Variants in SLC4A4 observed in about 807,000 individuals in gnomAD.
SLC4A4 encodes solute carrier family 4 member 4.
Under a neutral mutation model 111.5 loss-of-function variants are expected in SLC4A4, and 27 were observed. That is an observed-to-expected ratio of 0.24 (90% CI 0.18 to 0.33). The LOEUF (loss-of-function observed/expected upper bound fraction) is 0.33, where lower values mean the gene tolerates loss of function less well. SLC4A4 is among the 10% of genes least tolerant of loss of function. SLC4A4 has a pLI of 1.00. For missense variants in SLC4A4, 909 were observed against 1,315.5 expected, an observed-to-expected ratio of 0.69 and a Z score of 4.78; for synonymous variants, 443 against 463.4, an observed-to-expected ratio of 0.96 and a Z score of 0.57.
intron 14 of SLC4A4, among the ~76,000 whole-genome samples, chr4:71,479,717 T>G (rs1728699218): frequency 6.6e-6 from 1 of 151,798 alleles, no homozygotes; most frequent in Non-Finnish European, 1.5e-5. Context: ...CTTGCATTTG[T>G]GAGACTCCTT....
intron 1 of SLC4A4, among the ~76,000 whole-genome samples, chr4:71,089,517 T>C (rs556329633): frequency 4.4e-4 from 67 of 152,156 alleles, no homozygotes; most frequent in African/African-American, 1.5e-3. Flanking sequence ...TTTTTCCCCA[T>C]CTTTGTGGTT....
At chr4:71,382,210 C>T (rs1015330053) in intron 6 of SLC4A4, among the ~76,000 whole-genome samples, 2 of 151,646 alleles carry the variant, frequency 1.3e-5, no homozygotes, top group African/African-American at 4.8e-5. Context: ...ATGATGTGAT[C>T]GAAGTTTTAG....
chr4:71,359,642 C>T (rs962307477), intron 6 of SLC4A4, among the ~76,000 whole-genome samples: 2 of 152,058 alleles, frequency 1.3e-5, no homozygotes, highest in Non-Finnish European at 2.9e-5. Context: ...TCTAAACAAA[C>T]GTTCTTAGAA....
intron 12 of SLC4A4, among the ~76,000 whole-genome samples, chr4:71,463,690 G>A (rs781524327): frequency 2.0e-5 from 3 of 152,108 alleles, no homozygotes; most frequent in Admixed American, 6.6e-5. Context: ...GAGCAACAAT[G>A]CCTGTTGACC....
chr4:71,189,805 G>T (rs138767954), intron 1 of SLC4A4, among the ~76,000 whole-genome samples: 1 of 152,190 alleles, frequency 6.6e-6, no homozygotes, highest in Admixed American at 6.5e-5. Flanking sequence ...GAGTTTCTTT[G>T]TGTTTATTTA....
At chr4:71,205,626 A>G (rs1332491729) in intron 1 of SLC4A4, among the ~76,000 whole-genome samples, 4 of 152,202 alleles carry the variant, frequency 2.6e-5, no homozygotes, top group Admixed American at 2.6e-4. Flanking sequence ...ACACACAAAT[A>G]TTTAATATTT....
chr4:71,328,222 A>C (rs1253213001), intron 3 of SLC4A4, among the ~76,000 whole-genome samples: 1 of 152,094 alleles, frequency 6.6e-6, no homozygotes, highest in East Asian at 1.9e-4. Context: ...AAATCCATTC[A>C]TCTGTTGATG....
chr4:71,571,753 T>A lies in SLC4A4; in HGVS notation c.*4002T>A, dbSNP rs1737945483. 1 of 152,276 alleles carries A rather than the reference T, an allele frequency of 6.6e-6. No individual in the cohort carries two copies. The highest frequency in any genetic ancestry group is 2.4e-5 in the African/African-American group (1 of 41,414). 9.4% of individuals were successfully genotyped at this position (152,276 alleles called of 1,614,324 possible). A position where few individuals can be genotyped will look rare whatever the true frequency, so the allele number is the denominator to read the frequency against. On this transcript the variant is annotated 3_prime_UTR_variant, in exon 26 of 26. Transcript: ENST00000264485. ...GCTGGTACATATTCGTACGCATTACTTTTCAGAATCAATACGCACTTTCAG... is the reference window on the plus strand; with the variant it reads ...GCTGGTACATATTCGTACGCATTACATTTCAGAATCAATACGCACTTTCAG...
At chr4:71,438,704 T>G (rs2149053806) in intron 7 of SLC4A4, among the ~76,000 whole-genome samples, 1 of 152,200 alleles carries the variant, frequency 6.6e-6, no homozygotes, top group East Asian at 1.9e-4. Flanking sequence ...ATAACATTTA[T>G]TCAAAATCAA....
intron 14 of SLC4A4, among the ~76,000 whole-genome samples, chr4:71,477,727 T>TA: frequency 6.6e-6 from 1 of 151,798 alleles, no homozygotes; most frequent in South Asian, 2.1e-4. Context: ...GAAAAGAACA[T>TA]GGGCATCCCC....
At chr4:71,367,472 A>T (rs1388005436) in intron 6 of SLC4A4, among the ~76,000 whole-genome samples, 1 of 152,174 alleles carries the variant, frequency 6.6e-6, no homozygotes, top group Non-Finnish European at 1.5e-5. Context: ...AGCCTAATTC[A>T]TTTAATTTAG....
At chr4:71,162,208 T>G (rs1159784267) in intron 2 of SLC4A4, among the ~76,000 whole-genome samples, 1 of 152,294 alleles carries the variant, frequency 6.6e-6, no homozygotes, top group East Asian at 1.9e-4. Context: ...GCATGGTCAC[T>G]GAACTACTAG....
intron 3 of SLC4A4, among the ~76,000 whole-genome samples, chr4:71,287,724 T>C (rs555856177): frequency 4.6e-5 from 7 of 152,344 alleles, no homozygotes; most frequent in African/African-American, 1.4e-4. Context: ...ATGAAAAATT[T>C]TGATTCTGGT....
At chr4:71,312,986 T>C (rs1726335668) in intron 3 of SLC4A4, among the ~76,000 whole-genome samples, 1 of 152,176 alleles carries the variant, frequency 6.6e-6, no homozygotes, top group Non-Finnish European at 1.5e-5. Context: ...GGAAGTCAAA[T>C]TGTCTCTGTT....
chr4:71,388,059 C>A (rs1283681506), intron 6 of SLC4A4, among the ~76,000 whole-genome samples: 1 of 152,132 alleles, frequency 6.6e-6, no homozygotes, highest in Non-Finnish European at 1.5e-5. Context: ...GCGAGATATT[C>A]ATTTACTTCT....
intron 2 of SLC4A4, among the ~76,000 whole-genome samples, chr4:71,160,920 G>A (rs1331354640): frequency 6.6e-6 from 1 of 152,134 alleles, no homozygotes; most frequent in African/African-American, 2.4e-5. Context: ...GAAGATCTAC[G>A]TGTTGGAGAA....
intron 7 of SLC4A4, among the ~76,000 whole-genome samples, chr4:71,406,322 C>CTT (rs11429746): frequency 1.4e-3 from 212 of 149,636 alleles, no homozygotes; most frequent in African/African-American, 3.5e-3. Context: ...TGAGCCAACA[C>CTT]TTTTTTTTTT....
chr4:71,315,597 A>G (rs1726617711), intron 3 of SLC4A4, among the ~76,000 whole-genome samples: 1 of 152,168 alleles, frequency 6.6e-6, no homozygotes, highest in African/African-American at 2.4e-5. Flanking sequence ...TACAGTATAA[A>G]TATATTTACC....
At chr4:71,334,985 C>T (rs1207139025) in intron 3 of SLC4A4, among the ~76,000 whole-genome samples, 1 of 152,144 alleles carries the variant, frequency 6.6e-6, no homozygotes, top group Non-Finnish European at 1.5e-5. Flanking sequence ...GATTATCTGA[C>T]TCTAGACTTC....
Sources: allele counts gnomAD v4.1 joint callset (sites outside exome capture counted in the v4.1 genomes callset), GRCh38; gene constraint gnomAD v4.1.1; transcripts MANE v1.5; gene names NCBI Gene and HGNC (gene_info 2026-07-23, HGNC 2026-07-21).